DMD: variants seen among roughly 807,000 people sequenced by gnomAD.
DMD encodes the protein mutant dystrophin.
A neutral mutation model predicts 330.1 loss-of-function variants in DMD; 63 were observed. The observed-to-expected ratio is 0.19, with a 90% CI of 0.16 to 0.24. The LOEUF (loss-of-function observed/expected upper bound fraction) is 0.24. Among genes scored for constraint, DMD ranks in the 10% least tolerant of loss-of-function variants. DMD has a pLI of 1.00. For missense variants in DMD, 3,344 were observed against 2,684.1 expected, an observed-to-expected ratio of 1.25 and a Z score of -5.43; for synonymous variants, 1,223 against 959.8, an observed-to-expected ratio of 1.27 and a Z score of -5.07.
chrX:32,389,278 C>T (rs1603632301), intron 32 of DMD, among the ~76,000 whole-genome samples: 1 of 111,517 alleles, frequency 9.0e-6, no homozygotes. Flanking sequence ...TAAACACAAG[C>T]AACATCCTTT....
At chrX:32,232,644 T>C (rs1006727200) in intron 43 of DMD, among the ~76,000 whole-genome samples, 1 of 112,235 alleles carries the variant, frequency 8.9e-6, no homozygotes, top group African/African-American at 3.2e-5. Flanking sequence ...TTATATTCTA[T>C]CTTATTAAAA....
intron 60 of DMD, among the ~76,000 whole-genome samples, chrX:31,412,847 T>G (rs1353124272): frequency 8.9e-6 from 1 of 112,054 alleles, no homozygotes; most frequent in African/African-American, 3.2e-5. Flanking sequence ...CTCTAACGTT[T>G]ACATTTTCCT....
chrX:32,448,295 C>T (rs911268717), intron 27 of DMD, among the ~76,000 whole-genome samples, 161 bp downstream of exon 27: 1 of 111,091 alleles, frequency 9.0e-6, no homozygotes, highest in Non-Finnish European at 1.9e-5. Context: ...CAGGTTTACA[C>T]AAGTTAAGCA....
intron 7 of DMD, among the ~76,000 whole-genome samples, chrX:32,720,823 AATTT>A (rs1348340683): frequency 1.8e-5 from 2 of 111,101 alleles, no homozygotes; most frequent in African/African-American, 3.3e-5. Context: ...CGAAACTCTA[AATTT>A]ATTTATCCCA....
intron 51 of DMD, among the ~76,000 whole-genome samples, chrX:31,743,795 T>C (rs73459872): frequency 0.027 from 2,964 of 111,412 alleles, 104 homozygotes; most frequent in African/African-American, 0.087. Context: ...TCATGTAATA[T>C]ATCAAGGTAA....
chrX:31,555,083 T>TTGAGTGGTCA (rs1417975589), intron 55 of DMD, among the ~76,000 whole-genome samples: 1 of 111,863 alleles, frequency 8.9e-6, no homozygotes, highest in African/African-American at 3.2e-5. Context: ...GGGATAAGGC[T>TTGAGTGGTCA]TGAGTGGTCA....
chrX:32,276,406 G>C (rs1461572440), intron 43 of DMD, among the ~76,000 whole-genome samples: 7 of 112,479 alleles, frequency 6.2e-5, no homozygotes, highest in Non-Finnish European at 9.4e-5. Context: ...GCATGGCTAA[G>C]GGAGTGCTTG....
chrX:32,384,209 C>T (rs2097943273), intron 33 of DMD, among the ~76,000 whole-genome samples: 1 of 109,846 alleles, frequency 9.1e-6, no homozygotes, highest in South Asian at 3.8e-4. Flanking sequence ...ACATTTGAGA[C>T]TAGAGATTAC....
intron 4 of DMD, among the ~76,000 whole-genome samples, chrX:32,826,137 A>G (rs947184171): frequency 1.8e-5 from 2 of 112,014 alleles, no homozygotes; most frequent in Non-Finnish European, 3.8e-5. Context: ...AATTAAAACT[A>G]CAATGAAATA....
In DMD at chrX:31,496,449, A is replaced by C. The variant is rs12687915; in HGVS notation, c.8547+339T>G. Among the ~76,000 whole-genome samples, 56 of 112,383 alleles carry C rather than the reference A, an allele frequency of 5.0e-4. No homozygotes were observed. In the East Asian group the frequency reaches 0.015, roughly 30 times the overall value. On this transcript the variant is annotated intron_variant, in intron 57 of 78. Transcript: ENST00000357033. ...ACAATCTGGGAAGAGCTATAGAATAAATAAGATCTGACGTGATTTGATAAT... is the reference window on the plus strand; with the variant it reads ...ACAATCTGGGAAGAGCTATAGAATACATAAGATCTGACGTGATTTGATAAT...
intron 18 of DMD, among the ~76,000 whole-genome samples, chrX:32,502,696 A>T: frequency 8.9e-6 from 1 of 112,464 alleles, no homozygotes; most frequent in Admixed American, 9.5e-5. Flanking sequence ...CTTAACAATC[A>T]TATTATAACA....
intron 24 of DMD, among the ~76,000 whole-genome samples, chrX:32,463,945 A>T (rs1160062947): frequency 8.9e-6 from 1 of 111,831 alleles, no homozygotes; most frequent in African/African-American, 3.3e-5. Flanking sequence ...GATACTGCAG[A>T]AATTGTTTAC....
chrX:32,980,480 C>T (rs1324346240), intron 2 of DMD, among the ~76,000 whole-genome samples: 1 of 108,333 alleles, frequency 9.2e-6, no homozygotes, highest in Non-Finnish European at 1.9e-5. Context: ...AAATGAACAT[C>T]GTTAGAACTC....
chrX:32,936,968 G>A (rs942731461), intron 2 of DMD, among the ~76,000 whole-genome samples: 12 of 111,593 alleles, frequency 1.1e-4, no homozygotes, highest in African/African-American at 3.9e-4. Flanking sequence ...AATGTACATA[G>A]TCACTTTATA....
At chrX:33,277,386 G>A (rs1041319381) in intron 1 of DMD, among the ~76,000 whole-genome samples, 1 of 111,345 alleles carries the variant, frequency 9.0e-6, no homozygotes, top group Non-Finnish European at 1.9e-5. Context: ...AAATGCTATT[G>A]AATTGTACAC....
chrX:32,462,011 C>T lies in DMD; in HGVS notation c.3432+1428G>A, dbSNP rs776460733. On this transcript the variant is annotated intron_variant, in intron 25 of 78. Coordinates refer to ENST00000357033, the MANE Select transcript of DMD (RefSeq NM_004006.3). ...ATGTAGCTTTTGCCTTTTGACATTA[C>T]TTCTTTTCTATTTTGAAAGTTTACT... is the stretch of plus-strand genomic sequence containing the variant. Among the ~76,000 whole-genome samples, 16 of 109,987 alleles carry T rather than the reference C, an allele frequency of 1.5e-4. No homozygotes were observed. The South Asian group carries it at 6.2e-3, about 42-fold the overall frequency.
At chrX:32,466,110 A>G (rs2040001200) in intron 23 of DMD, among the ~76,000 whole-genome samples, 2 of 111,428 alleles carry the variant, frequency 1.8e-5, no homozygotes, top group South Asian at 7.6e-4. Flanking sequence ...TATCAGTCCC[A>G]TCACCACTAG....
intron 1 of DMD, among the ~76,000 whole-genome samples, chrX:33,199,952 G>A (rs1315268890): frequency 9.0e-6 from 1 of 111,527 alleles, no homozygotes; most frequent in Admixed American, 9.6e-5. Flanking sequence ...AACTTAGCAG[G>A]GTGAAGCTTG....
chrX:32,389,551 T>A lies in DMD; in HGVS notation c.4468A>T (p.Thr1490Ser). 8.3e-7 allele frequency: 1 copy of A among 1,211,329 alleles called. No individual in the cohort carries two copies. Among genetic ancestry groups the A allele is most frequent in the Admixed American group, 2.2e-5 (1 of 45,966 alleles). The part of the protein sequence containing the change: ...EVKMHLPALE[T>S]KSVEQEVVQS... ...ACTACTTCCTGTTCCACACTCTTTG[T>A]TTCCAATGCAGGCAAGTGCATCTTC... The change falls in exon 32 of 79, where the codon ACA becomes TCA. Residue 1490 changes from threonine to serine, a missense_variant. Thr to Ser is a moderately conservative substitution (Grantham distance 58). Transcript: ENST00000357033.
Sources: allele counts gnomAD v4.1 joint callset (sites outside exome capture counted in the v4.1 genomes callset), GRCh38; gene constraint gnomAD v4.1.1; transcripts MANE v1.5; gene names NCBI Gene and HGNC (gene_info 2026-07-23, HGNC 2026-07-21).